The following TAFA2 variants were observed in gnomAD, a reference collection of about 807,000 sequenced individuals.
TAFA2 encodes chemokine-like protein TAFA-2.
Under a neutral mutation model 18.8 loss-of-function variants are expected in TAFA2, and 7 were observed. The ratio of observed to expected loss-of-function variants is 0.37; its 90% CI spans 0.21 to 0.70. The LOEUF is 0.70. TAFA2 is among the 30% of genes least tolerant of loss of function. TAFA2 has a pLI of 0.53. For missense variants in TAFA2, 122 were observed against 158.1 expected (o/e 0.77, Z 1.23); for synonymous variants, 60 against 54.2 (o/e 1.11, Z -0.47).
In TAFA2 at chr12:62,072,639, G is replaced by A. The variant is rs568932301; in HGVS notation, c.-2+118620C>T. On this transcript the variant is annotated intron_variant, in intron 1 of 4. Transcript: ENST00000416284. ...CTACAAAAAATACAAAAAATTAGCA[G>A]GGTGAGGTGATGTGCACCTGTAGTC... Among the ~76,000 whole-genome samples, 19 of 152,126 alleles carry A rather than the reference G, an allele frequency of 1.2e-4. No homozygotes were observed. The East Asian group carries it at 3.7e-3, about 30-fold the overall frequency.
chr12:62,132,347 G>C (rs1870725126), intron 1 of TAFA2, among the ~76,000 whole-genome samples: 1 of 151,420 alleles, frequency 6.6e-6, no homozygotes, highest in Non-Finnish European at 1.5e-5. Flanking sequence ...TATCTCCCCA[G>C]TATCTATTTC....
intron 1 of TAFA2, among the ~76,000 whole-genome samples, chr12:62,152,042 C>A (rs1422615334): frequency 6.6e-6 from 1 of 152,158 alleles, no homozygotes; most frequent in Non-Finnish European, 1.5e-5. Context: ...TCCTCTGAAA[C>A]AGCAGGCCCA....
chr12:61,719,607 C>T lies in TAFA2; in HGVS notation c.385-9190G>A, dbSNP rs186136859. On this transcript the variant is annotated intron_variant, in intron 4 of 4. Transcript: ENST00000416284. ...CCCTAGCCCCCAGATTATCAGAGAG[C>T]TTGATTTGAGTAACAGCTTCATCTC... is the stretch of plus-strand genomic sequence containing the variant. Among the ~76,000 whole-genome samples, 297 of 152,222 alleles carry T rather than the reference C, an allele frequency of 2.0e-3. 1 individual carries two copies. Among genetic ancestry groups the T allele is most frequent in the African/African-American group, 6.8e-3 (282 of 41,534 alleles).
Position 61,755,038 on chromosome 12 carries a change from AAAGAT to A in TAFA2, c.107-19_107-15del. ...TAACATGGTGAGCTGCACAAACAAA[AAAGAT>A]AAGACAACATTGAGAAAGCTTTGGA... On this transcript the variant is annotated splice_polypyrimidine_tract_variant and intron_variant, in intron 2 of 4. Transcript: ENST00000416284. 6.2e-7 allele frequency: 1 copy of A among 1,612,100 alleles called. No homozygotes were observed. The highest frequency in any genetic ancestry group is 8.5e-7 in the Non-Finnish European group (1 of 1,178,926).
At chr12:62,054,307 T>G (rs1882131618) in intron 1 of TAFA2, among the ~76,000 whole-genome samples, 1 of 152,208 alleles carries the variant, frequency 6.6e-6, no homozygotes, top group African/African-American at 2.4e-5. Flanking sequence ...TTAGTTAGTC[T>G]TTTCAGCCCT....
At chr12:62,150,561 A>C (rs2062320927) in intron 1 of TAFA2, among the ~76,000 whole-genome samples, 2 of 152,114 alleles carry the variant, frequency 1.3e-5, no homozygotes, top group South Asian at 4.1e-4. Flanking sequence ...ACTCAAAAAT[A>C]CTACTGTCAG....
At chr12:62,062,795 T>C (rs1003595422) in intron 1 of TAFA2, among the ~76,000 whole-genome samples, 1 of 152,182 alleles carries the variant, frequency 6.6e-6, no homozygotes, top group Non-Finnish European at 1.5e-5. Context: ...AAGGTCCTTA[T>C]GGTTGAATAG....
intron 1 of TAFA2, among the ~76,000 whole-genome samples, chr12:61,935,838 GA>G (rs1349031172): frequency 6.6e-6 from 1 of 151,698 alleles, no homozygotes; most frequent in Non-Finnish European, 1.5e-5. Context: ...AGTAAGTTCT[GA>G]AATTGAATCA....
At chr12:62,037,058 G>T (rs1881629762) in intron 1 of TAFA2, among the ~76,000 whole-genome samples, 2 of 152,144 alleles carry the variant, frequency 1.3e-5, no homozygotes, top group Admixed American at 1.3e-4. Context: ...AGTAAACCTG[G>T]ATGAGCTCCT....
intron 1 of TAFA2, among the ~76,000 whole-genome samples, chr12:61,992,167 T>C (rs922019069): frequency 2.0e-5 from 3 of 152,178 alleles, no homozygotes; most frequent in Non-Finnish European, 2.9e-5. Context: ...CCTTCTGAAA[T>C]CCAGACACAT....
At chr12:61,994,953 T>C (rs941195669) in intron 1 of TAFA2, among the ~76,000 whole-genome samples, 1 of 152,134 alleles carries the variant, frequency 6.6e-6, no homozygotes, top group Admixed American at 6.6e-5. Flanking sequence ...TTCTAGACCA[T>C]CCTTTTTACT....
chr12:61,982,222 AG>A (rs1416130662), intron 1 of TAFA2, among the ~76,000 whole-genome samples: 1 of 152,126 alleles, frequency 6.6e-6, no homozygotes, highest in Admixed American at 6.5e-5. Flanking sequence ...TCTCACTCAT[AG>A]GTGGGAAATG....
chr12:62,010,693 C>T (rs1370823662), intron 1 of TAFA2, among the ~76,000 whole-genome samples: 1 of 142,994 alleles, frequency 7.0e-6, no homozygotes, highest in South Asian at 2.3e-4. Flanking sequence ...CCAGCTGCCC[C>T]GTCTGGGAAG....
At chr12:62,120,783 A>G (rs1289007607) in intron 1 of TAFA2, among the ~76,000 whole-genome samples, 2 of 152,024 alleles carry the variant, frequency 1.3e-5, no homozygotes, top group Non-Finnish European at 2.9e-5. Flanking sequence ...CTAGTGGGGT[A>G]TCCCATCTAG....
chr12:61,891,009 G>A (rs934837813), intron 1 of TAFA2, among the ~76,000 whole-genome samples: 11 of 152,168 alleles, frequency 7.2e-5, no homozygotes, highest in Admixed American at 1.3e-4. Context: ...TCACCAATTC[G>A]AATGTCAGGA....
At chr12:61,764,674 A>T (rs1418702677) in intron 2 of TAFA2, among the ~76,000 whole-genome samples, 5 of 152,152 alleles carry the variant, frequency 3.3e-5, no homozygotes, top group Non-Finnish European at 7.4e-5. Context: ...AGGTTTCATT[A>T]AAATGAAGAC....
chr12:62,108,296 G>GT (rs1869555812), intron 1 of TAFA2, among the ~76,000 whole-genome samples: 1 of 152,120 alleles, frequency 6.6e-6, no homozygotes, highest in Admixed American at 6.5e-5. Context: ...CTTCATCCAT[G>GT]TCCCTGCAAA....
chr12:61,717,533 GAT>G (rs1869715373), intron 4 of TAFA2, among the ~76,000 whole-genome samples: 1 of 152,138 alleles, frequency 6.6e-6, no homozygotes, highest in African/African-American at 2.4e-5. Context: ...AACACTTTGA[GAT>G]ATGTTTAATA....
chr12:61,972,748 T>A (rs571917374), intron 1 of TAFA2, among the ~76,000 whole-genome samples: 1 of 151,486 alleles, frequency 6.6e-6, no homozygotes, highest in Admixed American at 6.6e-5. Flanking sequence ...CACTAAGTCA[T>A]CTGGGGGAAA....
Sources: allele counts gnomAD v4.1 joint callset (sites outside exome capture counted in the v4.1 genomes callset), GRCh38; gene constraint gnomAD v4.1.1; transcripts MANE v1.5; gene names NCBI Gene and HGNC (gene_info 2026-07-23, HGNC 2026-07-21).